The following EXOC2 variants were observed in gnomAD, a reference collection of about 807,000 sequenced individuals.
The protein encoded by EXOC2 is exocyst complex component 2.
Under a neutral mutation model 131.8 loss-of-function variants are expected in EXOC2, and 70 were observed. The observed-to-expected ratio is 0.53, with a 90% CI of 0.44 to 0.65. The LOEUF (loss-of-function observed/expected upper bound fraction) is 0.65, where lower values mean the gene tolerates loss of function less well. Among genes scored for constraint, EXOC2 ranks in the 30% least tolerant of loss-of-function variants. The probability of loss-of-function intolerance (pLI) is 0.00; values close to 1 mark genes in which losing one functional copy is unlikely to be tolerated. For missense variants in EXOC2, 923 were observed against 1,108.6 expected, an observed-to-expected ratio of 0.83 and a Z score of 2.38; for synonymous variants, 411 against 398.4, an observed-to-expected ratio of 1.03 and a Z score of -0.38.
chr6:690,195 T>C (rs1386070908), intron 1 of EXOC2, among the ~76,000 whole-genome samples: 1 of 152,086 alleles, frequency 6.6e-6, no homozygotes, highest in East Asian at 1.9e-4. Context: ...CCTCCACAAA[T>C]AATTTTTAAA....
chr6:641,527 G>A (rs1248966242), intron 1 of EXOC2, among the ~76,000 whole-genome samples: 1 of 152,072 alleles, frequency 6.6e-6, no homozygotes, highest in African/African-American at 2.4e-5. Context: ...CTGCAGATTA[G>A]GTTCAGTCCA....
intron 22 of EXOC2, among the ~76,000 whole-genome samples, chr6:536,990 A>C (rs1766480469): frequency 6.6e-6 from 1 of 152,240 alleles, no homozygotes; most frequent in South Asian, 2.1e-4. Context: ...GGGGTTAAAC[A>C]GCACTTCAAG....
At chr6:539,713 C>T (rs192868621) in intron 22 of EXOC2, among the ~76,000 whole-genome samples, 1 of 152,246 alleles carries the variant, frequency 6.6e-6, no homozygotes, top group East Asian at 1.9e-4. Flanking sequence ...AATTATGCTT[C>T]CAAGAAAGAA....
intron 23 of EXOC2, among the ~76,000 whole-genome samples, chr6:499,931 T>A (rs1178604682): frequency 6.6e-6 from 1 of 152,106 alleles, no homozygotes. Context: ...TCTGTCACTG[T>A]TTATGTTCTC....
At chr6:578,456 G>A (rs1758706044) in intron 11 of EXOC2, among the ~76,000 whole-genome samples, 1 of 152,110 alleles carries the variant, frequency 6.6e-6, no homozygotes, top group African/African-American at 2.4e-5. Context: ...GCAAAAAAAC[G>A]CTAAGCAGAG....
At chr6:555,409 T>G (rs530339699) in intron 19 of EXOC2, 121 bp from the exon 20 acceptor site, 4 of 541,204 alleles carry the variant, frequency 7.4e-6, no homozygotes, top group South Asian at 1.0e-4. Flanking sequence ...TGGTGTGGTG[T>G]TGTGTGCATG....
intron 1 of EXOC2, among the ~76,000 whole-genome samples, chr6:641,402 G>C (rs368771771): frequency 7.9e-5 from 12 of 152,272 alleles, no homozygotes; most frequent in African/African-American, 2.6e-4. Flanking sequence ...CCACGCCCTA[G>C]TATAGGCCAA....
At chr6:682,089 C>T (rs1303967253) in intron 1 of EXOC2, among the ~76,000 whole-genome samples, 3 of 152,188 alleles carry the variant, frequency 2.0e-5, no homozygotes, top group Non-Finnish European at 2.9e-5. Context: ...ACCTGCATGA[C>T]ACAGCACTGC....
At chr6:620,775 T>C (rs1000797468) in intron 4 of EXOC2, among the ~76,000 whole-genome samples, 10 of 152,154 alleles carry the variant, frequency 6.6e-5, no homozygotes, top group Admixed American at 5.9e-4. Context: ...CAATAGTTAA[T>C]AGGCTGCTTA....
intron 1 of EXOC2, among the ~76,000 whole-genome samples, chr6:658,183 G>A (rs925963974): frequency 1.3e-5 from 2 of 152,042 alleles, no homozygotes; most frequent in East Asian, 1.9e-4. Context: ...TGTCAATTTT[G>A]TTTTAGACAA....
At chr6:508,793 G>A (rs896835373) in intron 23 of EXOC2, among the ~76,000 whole-genome samples, 10 of 152,220 alleles carry the variant, frequency 6.6e-5, no homozygotes, top group African/African-American at 2.4e-4. Context: ...TAAATGCCAA[G>A]TGGTGCCAAT....
chr6:554,708 T>A (rs965008327), intron 20 of EXOC2, among the ~76,000 whole-genome samples: 1 of 142,424 alleles, frequency 7.0e-6, no homozygotes, highest in Non-Finnish European at 1.5e-5. Context: ...CAAGTATAAT[T>A]CAGAAAGAAC....
At chr6:604,857 T>G in intron 7 of EXOC2, among the ~76,000 whole-genome samples, 1 of 138,678 alleles carries the variant, frequency 7.2e-6, no homozygotes, top group South Asian at 2.3e-4. Flanking sequence ...CTTGTCTGGG[T>G]ACTTCCTGCT....
chr6:632,259 G>A (rs1444461635), intron 3 of EXOC2, among the ~76,000 whole-genome samples: 1 of 152,154 alleles, frequency 6.6e-6, no homozygotes, highest in Non-Finnish European at 1.5e-5. Context: ...TTCCACTTTT[G>A]CTCATGGATA....
At chr6:522,469 G>A (rs762457752) in intron 23 of EXOC2, among the ~76,000 whole-genome samples, 5 of 151,682 alleles carry the variant, frequency 3.3e-5, no homozygotes, top group South Asian at 2.1e-4. Context: ...AGGTCCATGC[G>A]GACTGCAGGA....
chr6:574,696 C>A (rs908533539), intron 12 of EXOC2, among the ~76,000 whole-genome samples: 1 of 152,164 alleles, frequency 6.6e-6, no homozygotes, highest in South Asian at 2.1e-4. Context: ...GAGGATTAAC[C>A]GTGTGCTTAT....
chr6:647,714 C>T (rs565381924), intron 1 of EXOC2, among the ~76,000 whole-genome samples: 1 of 146,108 alleles, frequency 6.8e-6, no homozygotes, highest in African/African-American at 2.5e-5. Flanking sequence ...TCTCAAAGAA[C>T]GCAAAACTAA....
chr6:626,441 G>A (rs1193392996), intron 4 of EXOC2, among the ~76,000 whole-genome samples: 9 of 152,120 alleles, frequency 5.9e-5, no homozygotes, highest in Admixed American at 5.9e-4. Context: ...CAGCTGAACC[G>A]GACACCACAC....
chr6:534,619 T>A (rs1581384780), intron 22 of EXOC2, among the ~76,000 whole-genome samples: 1 of 152,250 alleles, frequency 6.6e-6, no homozygotes, highest in East Asian at 1.9e-4. Flanking sequence ...AATCCTGTAT[T>A]TAGCCAGCGT....
Sources: gnomAD v4.1 joint callset for allele counts (sites outside exome capture counted in the v4.1 genomes callset) on GRCh38, gnomAD v4.1.1 for gene constraint, MANE v1.5 for transcripts, NCBI Gene and HGNC (gene_info 2026-07-23, HGNC 2026-07-21) for gene names.